CRTC1: variants seen among roughly 807,000 people sequenced by gnomAD.
CRTC1 encodes CREB-regulated transcription coactivator 1.
Under a neutral mutation model 66.1 loss-of-function variants are expected in CRTC1, and 18 were observed. The observed-to-expected ratio is 0.27, with a 90% CI of 0.19 to 0.40. The LOEUF (loss-of-function observed/expected upper bound fraction) is 0.40, where lower values mean the gene tolerates loss of function less well. Among genes scored for constraint, CRTC1 ranks in the 10% least tolerant of loss-of-function variants. The pLI is 1.00. For synonymous variants in CRTC1, 416 were observed against 398.8 expected (o/e 1.04, Z -0.51); for missense variants, 669 against 887.9 (o/e 0.75, Z 3.13).
intron 5 of CRTC1, among the ~76,000 whole-genome samples, chr19:18,752,249 G>A (rs2054380808): frequency 6.6e-6 from 1 of 152,146 alleles, no homozygotes; most frequent in South Asian, 2.1e-4. Context: ...ACGCCTCTGA[G>A]GCCCACGTTG....
chr19:18,781,636 C>A lies in CRTC1; in HGVS notation c.*4254C>A. 1 of 230,454 alleles carries A rather than the reference C, an allele frequency of 4.3e-6. No individual in the cohort carries two copies. The highest frequency in any genetic ancestry group is 8.6e-6 in the Non-Finnish European group (1 of 116,300). 14.3% of individuals were successfully genotyped at this position (230,454 alleles called of 1,614,324 possible). ...GGAGTTCCTGAGGGCATGGGTGGGG[C>A]AGGAGTGAGTGCCTCGTGATCCCAG... is the stretch of plus-strand genomic sequence containing the variant. On this transcript the variant is annotated 3_prime_UTR_variant, in exon 14 of 14. Transcript: ENST00000321949.
intron 12 of CRTC1, 96 bp downstream of exon 12, chr19:18,775,082 C>A: frequency 8.0e-7 from 1 of 1,246,756 alleles, no homozygotes; most frequent in Non-Finnish European, 1.1e-6. Context: ...CAGAGCTGCA[C>A]GTGCTCGGGG....
intron 1 of CRTC1, among the ~76,000 whole-genome samples, chr19:18,706,084 C>T (rs1225903666): frequency 6.8e-6 from 1 of 146,190 alleles, no homozygotes; most frequent in Non-Finnish European, 1.5e-5. Flanking sequence ...TTGAAAAGAC[C>T]ATCCTTTTCC....
intron 1 of CRTC1, among the ~76,000 whole-genome samples, chr19:18,725,028 CGTCCCTT>C (rs2053714480): frequency 6.6e-6 from 1 of 152,038 alleles, no homozygotes; most frequent in South Asian, 2.1e-4. Flanking sequence ...CCTGTTGGTC[CGTCCCTT>C]GGACCCGCCT....
chr19:18,720,549 G>A lies in CRTC1; in HGVS notation c.127-22361G>A, dbSNP rs1357038918. On this transcript the variant is annotated intron_variant, in intron 1 of 13. Coordinates refer to ENST00000321949, the MANE Select transcript of CRTC1 (RefSeq NM_015321.3). ...TGTTTTTTTTTTTTTTTTTTTTTTA[G>A]CAGAGATGGGGTTTCACCATGTTAG... Among the ~76,000 whole-genome samples, 105 of 99,016 alleles carry A rather than the reference G, an allele frequency of 1.1e-3. 1 individual carries two copies. Among genetic ancestry groups the A allele is most frequent in the South Asian group, 9.9e-3 (33 of 3,332 alleles). The allele number at this position is 99,016 out of a possible 152,430, so 65.0% of individuals were successfully genotyped here. A position where few individuals can be genotyped will look rare whatever the true frequency, so the allele number is the denominator to read the frequency against.
intron 1 of CRTC1, among the ~76,000 whole-genome samples, chr19:18,722,909 G>T (rs1350404362): frequency 6.6e-6 from 1 of 151,768 alleles, no homozygotes; most frequent in Non-Finnish European, 1.5e-5. Context: ...TCGTGTTTTC[G>T]AGGTTTGTCC....
At chr19:18,745,691 C>A (rs2054216362) in intron 2 of CRTC1, 132 bp from the exon 3 acceptor site, 7 of 1,156,116 alleles carry the variant, frequency 6.1e-6, no homozygotes, top group Non-Finnish European at 8.9e-6. Flanking sequence ...CCATCCCAGG[C>A]TGTGGAGCGA....
rs184396969 is a variant in CRTC1 at position 18,700,995 on chromosome 19, T to C, written c.126+17167T>C. Among the ~76,000 whole-genome samples, 755 of 152,364 alleles carry C rather than the reference T, an allele frequency of 5.0e-3. 8 individuals carry two copies. Among genetic ancestry groups the C allele is most frequent in the African/African-American group, 0.017 (698 of 41,598 alleles). ...CCCAGGCAGGCGAGATTGGTGGCTG[T>C]AATTAGGACAGGAGTGGCTCATTAT... On this transcript the variant is annotated intron_variant, in intron 1 of 13. Coordinates refer to ENST00000321949, the MANE Select transcript of CRTC1 (RefSeq NM_015321.3).
chr19:18,748,672 C>T (rs1210479523), intron 4 of CRTC1, among the ~76,000 whole-genome samples: 3 of 149,184 alleles, frequency 2.0e-5, no homozygotes, highest in Non-Finnish European at 4.5e-5. Context: ...TGTACACCAG[C>T]CTGGGGGGCA....
intron 3 of CRTC1, among the ~76,000 whole-genome samples, 159 bp from the exon 4 acceptor site, chr19:18,746,894 A>G (rs2054251390): frequency 6.6e-6 from 1 of 152,098 alleles, no homozygotes; most frequent in African/African-American, 2.4e-5. Flanking sequence ...GCCAGGCAGG[A>G]AAGGCCGGCA....
At chr19:18,757,001 C>T (rs1041615010) in intron 6 of CRTC1, among the ~76,000 whole-genome samples, 1 of 152,236 alleles carries the variant, frequency 6.6e-6, no homozygotes, top group East Asian at 1.9e-4. Flanking sequence ...TAACACCCGC[C>T]GGTCGCACGC....
chr19:18,744,560 C>T (rs905761554), intron 2 of CRTC1, among the ~76,000 whole-genome samples: 15 of 152,296 alleles, frequency 9.8e-5, no homozygotes, highest in Non-Finnish European at 1.6e-4. Flanking sequence ...GCAGGCAGGA[C>T]GTGGCGAGCC....
At chr19:18,714,791 A>G (rs1044299506) in intron 1 of CRTC1, among the ~76,000 whole-genome samples, 1 of 152,054 alleles carries the variant, frequency 6.6e-6, no homozygotes, top group Admixed American at 6.6e-5. Context: ...GGAACCTCCA[A>G]CCCTGTGGCC....
At chr19:18,755,910 A>G (rs1272378658) in intron 6 of CRTC1, among the ~76,000 whole-genome samples, 1 of 151,866 alleles carries the variant, frequency 6.6e-6, no homozygotes, top group East Asian at 1.9e-4. Context: ...CCTATTTTTT[A>G]ATTTTTGTTA....
intron 1 of CRTC1, among the ~76,000 whole-genome samples, chr19:18,727,053 C>T (rs1282951607): frequency 6.6e-6 from 1 of 151,400 alleles, no homozygotes; most frequent in African/African-American, 2.4e-5. Flanking sequence ...CCAGGTCTAG[C>T]CTGGGCAACA....
intron 1 of CRTC1, among the ~76,000 whole-genome samples, chr19:18,701,632 A>G (rs940932316): frequency 1.3e-5 from 2 of 152,064 alleles, no homozygotes; most frequent in African/African-American, 4.8e-5. Context: ...TTGAGACAGA[A>G]TCTCACTCTG....
chr19:18,700,570 C>G (rs1178733094), intron 1 of CRTC1, among the ~76,000 whole-genome samples: 1 of 151,712 alleles, frequency 6.6e-6, no homozygotes, highest in East Asian at 1.9e-4. Context: ...AAATTGAAAA[C>G]AGAAACACCA....
At chr19:18,686,873 A>G (rs1053324347) in intron 1 of CRTC1, among the ~76,000 whole-genome samples, 3 of 152,076 alleles carry the variant, frequency 2.0e-5, no homozygotes, top group East Asian at 1.9e-4. Context: ...ATTTTGGGTC[A>G]TCATGATTAG....
Position 18,779,949 on chromosome 19 carries a change from G to A in CRTC1, c.*2567G>A, listed in dbSNP as rs2055071363. 8.7e-6 allele frequency: 2 copies of A among 229,122 alleles called. No individual in the cohort carries two copies. Among genetic ancestry groups the A allele is most frequent in the African/African-American group, 2.2e-5 (1 of 45,076 alleles). The allele number at this position is 229,122 out of a possible 1,614,324, so 14.2% of individuals were successfully genotyped here. A position where few individuals can be genotyped will look rare whatever the true frequency, so the allele number is the denominator to read the frequency against. The stretch of plus-strand genomic sequence containing the variant: ...TCACGCCCCTCCTGGACCTGGGCGG[G>A]CCTCCCAGGGGGTCTGTATCACGGC... On this transcript the variant is annotated 3_prime_UTR_variant, in exon 14 of 14. Transcript: ENST00000321949.
Sources: allele counts gnomAD v4.1 joint callset (sites outside exome capture counted in the v4.1 genomes callset), GRCh38; gene constraint gnomAD v4.1.1; transcripts MANE v1.5; gene names NCBI Gene and HGNC (gene_info 2026-07-23, HGNC 2026-07-21).